The following ADAMTS20 variants were observed in gnomAD, a reference collection of about 807,000 sequenced individuals.
ADAMTS20 encodes the protein A disintegrin and metalloproteinase with thrombospondin motifs 20.
A neutral mutation model predicts 260.1 loss-of-function variants in ADAMTS20; 225 were observed. That is an observed-to-expected ratio of 0.87 (90% CI 0.78 to 0.97). ADAMTS20 has a LOEUF of 0.97. ADAMTS20 is among the 50% of genes least tolerant of loss of function. ADAMTS20 has a pLI of 0.00. For missense variants in ADAMTS20, 2,400 were observed against 2,337.7 expected, an observed-to-expected ratio of 1.03 and a Z score of -0.55; for synonymous variants, 802 against 769.5, an observed-to-expected ratio of 1.04 and a Z score of -0.70.
chr12:43,435,613 C>G (rs1158139899), intron 18 of ADAMTS20, among the ~76,000 whole-genome samples: 1 of 145,686 alleles, frequency 6.9e-6, no homozygotes, highest in Non-Finnish European at 1.5e-5. Context: ...TGCACTCCAG[C>G]CTGGGCAACA....
intron 7 of ADAMTS20, among the ~76,000 whole-genome samples, chr12:43,472,700 G>C (rs920985382): frequency 6.8e-6 from 1 of 147,006 alleles, no homozygotes; most frequent in Non-Finnish European, 1.5e-5. Flanking sequence ...TTAAAGAAAA[G>C]AATTTTCAAG....
chr12:43,523,641 C>G (rs1489988064), intron 3 of ADAMTS20, among the ~76,000 whole-genome samples: 1 of 152,136 alleles, frequency 6.6e-6, no homozygotes, highest in Non-Finnish European at 1.5e-5. Flanking sequence ...TGCACAGGAG[C>G]TGGGTGGGGC....
At chr12:43,492,417 A>C in intron 6 of ADAMTS20, 88 bp downstream of exon 6, 1 of 1,463,462 alleles carries the variant, frequency 6.8e-7, no homozygotes, top group Non-Finnish European at 9.2e-7. Context: ...ACAAAAACAA[A>C]ACAAAAAAAA....
At chr12:43,435,349 A>G (rs1186287032) in intron 18 of ADAMTS20, among the ~76,000 whole-genome samples, 3 of 152,162 alleles carry the variant, frequency 2.0e-5, no homozygotes, top group African/African-American at 7.2e-5. Flanking sequence ...TCTCTAAAAA[A>G]TAAAGTCTAG....
chr12:43,466,944 T>G, intron 8 of ADAMTS20, 149 bp from the exon 9 acceptor site: 59 of 549,058 alleles, frequency 1.1e-4, no homozygotes, highest in Non-Finnish European at 1.4e-4. Context: ...CATAAGGCCT[T>G]AACAGTGTTC....
At chr12:43,470,010 G>A (rs1942224300) in intron 7 of ADAMTS20, among the ~76,000 whole-genome samples, 1 of 152,064 alleles carries the variant, frequency 6.6e-6, no homozygotes, top group Non-Finnish European at 1.5e-5. Context: ...TCCTTACAAG[G>A]AAGACTAAAA....
At chr12:43,376,687 A>G (rs372820639) in intron 32 of ADAMTS20, 34 bp from the exon 33 acceptor site, 3 of 1,582,900 alleles carry the variant, frequency 1.9e-6, no homozygotes, top group African/African-American at 2.7e-5. Context: ...GGCAAACTAT[A>G]TTATGAATCT....
chr12:43,432,213 T>A, intron 21 of ADAMTS20, 91 bp downstream of exon 21: 1 of 1,321,412 alleles, frequency 7.6e-7, no homozygotes, highest in Non-Finnish European at 1.0e-6. Flanking sequence ...TGAAATAAAT[T>A]TAAGCACTTT....
At chr12:43,426,981 G>C (rs1348569622) in intron 27 of ADAMTS20, among the ~76,000 whole-genome samples, 2 of 152,032 alleles carry the variant, frequency 1.3e-5, no homozygotes, top group Non-Finnish European at 2.9e-5. Context: ...AGACCAGCCT[G>C]GTCAACATGG....
At chr12:43,438,710 C>T (rs1334206775) in intron 18 of ADAMTS20, among the ~76,000 whole-genome samples, 1 of 152,124 alleles carries the variant, frequency 6.6e-6, no homozygotes, top group African/African-American at 2.4e-5. Context: ...AGCTCATCTC[C>T]ACATGGTTCG....
chr12:43,413,056 G>A (rs1321982120), intron 28 of ADAMTS20, among the ~76,000 whole-genome samples: 2 of 151,910 alleles, frequency 1.3e-5, no homozygotes, highest in Admixed American at 6.6e-5. Context: ...TGATCTGCCC[G>A]CCTTGGCCTC....
chr12:43,492,537 A>G lies in ADAMTS20; in HGVS notation c.1044T>C (p.Pro348=). ...QTQNDLDDVH[P]SHHDTAVLIT... The stretch of plus-strand genomic sequence containing the variant: ...TAAGAACAGCAGTGTCATGGTGGGA[A>G]GGGTGAACATCATCAAGGTCATTCT... The change falls in exon 6 of 39, where the codon CCT becomes CCC. Residue 348 remains proline (P), a synonymous_variant. Transcript: ENST00000389420. 1 of 1,613,914 alleles carries G rather than the reference A, an allele frequency of 6.2e-7. No homozygotes were observed. The highest frequency in any genetic ancestry group is 1.3e-5 in the African/African-American group (1 of 75,052).
chr12:43,449,501 G>A (rs1310390023), intron 14 of ADAMTS20, among the ~76,000 whole-genome samples: 10 of 151,958 alleles, frequency 6.6e-5, no homozygotes, highest in African/African-American at 2.2e-4. Context: ...AGGGTAGGAG[G>A]CGCGAGAGGA....
At chr12:43,464,839 T>C in intron 9 of ADAMTS20, 107 bp from the exon 10 acceptor site, 1 of 1,242,890 alleles carries the variant, frequency 8.0e-7, no homozygotes, top group East Asian at 2.6e-5. Flanking sequence ...AGAATATCAG[T>C]ATTTATTCAT....
At chr12:43,359,844 A>C (rs1371366729) in intron 37 of ADAMTS20, among the ~76,000 whole-genome samples, 1 of 152,242 alleles carries the variant, frequency 6.6e-6, no homozygotes, top group Non-Finnish European at 1.5e-5. Flanking sequence ...TTAATTCAAA[A>C]TAAATTGTAG....
intron 3 of ADAMTS20, among the ~76,000 whole-genome samples, chr12:43,525,911 A>G (rs1943135104): frequency 6.6e-6 from 1 of 152,192 alleles, no homozygotes; most frequent in African/African-American, 2.4e-5. Flanking sequence ...AATGAGATAG[A>G]CAGCAACGTA....
chr12:43,387,391 GC>G (rs1325265546), intron 29 of ADAMTS20, among the ~76,000 whole-genome samples: 1 of 152,138 alleles, frequency 6.6e-6, no homozygotes, highest in Non-Finnish European at 1.5e-5. Flanking sequence ...CCCATCAGAT[GC>G]CAGCTGGAGC....
chr12:43,477,404 C>G (rs1942375862), intron 7 of ADAMTS20, among the ~76,000 whole-genome samples: 5 of 152,140 alleles, frequency 3.3e-5, no homozygotes. Context: ...ATACTCTTAA[C>G]AAACCCAGAG....
intron 8 of ADAMTS20, among the ~76,000 whole-genome samples, chr12:43,467,781 G>A (rs1413070366): frequency 1.3e-5 from 2 of 152,060 alleles, no homozygotes; most frequent in Admixed American, 1.3e-4. Flanking sequence ...AGAGATGATC[G>A]TTTACTAAAA....
Sources: allele counts gnomAD v4.1 joint callset (sites outside exome capture counted in the v4.1 genomes callset), GRCh38; gene constraint gnomAD v4.1.1; transcripts MANE v1.5; gene names NCBI Gene and HGNC (gene_info 2026-07-23, HGNC 2026-07-21).